OTOF: variants seen among roughly 807,000 people sequenced by gnomAD.
OTOF encodes fer-1-like family member 2.
In OTOF, 218 loss-of-function variants were observed where a neutral mutation model predicts 236.8. The ratio of observed to expected loss-of-function variants is 0.92; its 90% CI spans 0.82 to 1.03. The LOEUF is 1.03. Among genes scored for constraint, OTOF ranks in the 50% least tolerant of loss-of-function variants. OTOF has a pLI of 0.00. For missense variants in OTOF, 2,590 were observed against 2,694.4 expected, an observed-to-expected ratio of 0.96 and a Z score of 0.86; for synonymous variants, 1,041 against 1,072.5, an observed-to-expected ratio of 0.97 and a Z score of 0.57.
At position 26,458,235 on chromosome 2, in the gene OTOF, A is replaced by G; in HGVS notation, c.*18-15T>C. 6.4e-7 allele frequency: 1 copy of G among 1,562,412 alleles called. No individual in the cohort carries two copies. Among genetic ancestry groups the G allele is most frequent in the Non-Finnish European group, 8.7e-7 (1 of 1,153,402 alleles). On this transcript the variant is annotated splice_polypyrimidine_tract_variant and intron_variant, in intron 46 of 46. Coordinates refer to ENST00000272371, the MANE Select transcript of OTOF (RefSeq NM_194248.3). The stretch of plus-strand genomic sequence containing the variant: ...TGTCGGGCCGGCTGGGAAGTGGAAG[A>G]GAGGAGCCGGTCAGCCAGTGGGCAG...
chr2:26,481,223 G>A (rs1665533806), intron 14 of OTOF, among the ~76,000 whole-genome samples: 1 of 152,238 alleles, frequency 6.6e-6, no homozygotes, highest in Admixed American at 6.5e-5. Flanking sequence ...TGAGCTGGAA[G>A]CAGTGGGAAG....
intron 11 of OTOF, among the ~76,000 whole-genome samples, chr2:26,487,045 A>G (rs1438444947): frequency 6.6e-6 from 1 of 152,108 alleles, no homozygotes; most frequent in African/African-American, 2.4e-5. Flanking sequence ...CTCACCCCCA[A>G]CAGAGAGTAG....
chr2:26,479,321 C>G lies in OTOF; in HGVS notation c.2157G>C (p.Pro719=). ...KPCIYIKSWW[P]DQRRRLYNAN... The stretch of plus-strand genomic sequence containing the variant: ...CATTGTAGAGGCGGCGGCGCTGGTC[C>G]GGCCACCAGCTCTTGATGTAGATGC... Residue 719 remains proline, a synonymous_variant, in exon 18 of 47, where the codon CCG becomes CCC. Coordinates refer to ENST00000272371, the MANE Select transcript of OTOF (RefSeq NM_194248.3). The G allele has an allele frequency of 6.2e-7, 1 of 1,612,410 alleles. No individual in the cohort carries two copies. The highest frequency in any genetic ancestry group is 8.5e-7 in the Non-Finnish European group (1 of 1,179,832).
At chr2:26,471,297 T>A in intron 30 of OTOF, 147 bp from the exon 31 acceptor site, 1 of 829,966 alleles carries the variant, frequency 1.2e-6, no homozygotes, top group Non-Finnish European at 2.1e-6. Flanking sequence ...AACTTTGCAT[T>A]AATAAGAGCA....
intron 4 of OTOF, 143 bp from the exon 5 acceptor site, chr2:26,516,742 C>T (rs1666538589): frequency 3.6e-6 from 3 of 839,484 alleles, no homozygotes; most frequent in Non-Finnish European, 5.9e-6. Context: ...ATCCCCTCTG[C>T]CCCATTTTGC....
Position 26,519,072 on chromosome 2 carries a change from C to T in OTOF, c.265G>A (p.Val89Ile), listed in dbSNP as rs1449106051. ...GTCACCTCCACATGGCTCTCCTCTA[C>T]CACCTTCTGCAGCACCATGCGGAAG... Reference protein sequence around the residue: ...GTFRMVLQKVVEESHVEVTDT... With the variant: ...GTFRMVLQKVIEESHVEVTDT... Residue 89 changes from valine (V) to isoleucine (I), a missense_variant, in exon 4 of 47, where the codon GTA becomes ATA. Val to Ile is a conservative substitution (Grantham distance 29). Coordinates refer to ENST00000272371, the MANE Select transcript of OTOF (RefSeq NM_194248.3). The T allele has an allele frequency of 2.5e-6, 4 of 1,608,478 alleles. 1 individual carries two copies. The South Asian group carries it at 4.4e-5, about 18-fold the overall frequency.
chr2:26,498,340 G>A (rs1666039024), intron 8 of OTOF, among the ~76,000 whole-genome samples: 1 of 152,256 alleles, frequency 6.6e-6, no homozygotes, highest in South Asian at 2.1e-4. Context: ...GCAGCCCCGA[G>A]AGGAAGCTGA....
At chr2:26,512,048 A>G (rs1666405136) in intron 5 of OTOF, among the ~76,000 whole-genome samples, 1 of 152,082 alleles carries the variant, frequency 6.6e-6, no homozygotes, top group Non-Finnish European at 1.5e-5. Flanking sequence ...CCTCCACTGG[A>G]GTGGAAGAAT....
In OTOF at chr2:26,516,589, C is replaced by T; in HGVS notation, c.338G>A (p.Cys113Tyr). ...DNNAIIKTSLCVEVRYQATDG... is the reference protein window; with the variant it reads ...DNNAIIKTSLYVEVRYQATDG... ...AGTGGCCTGATACCGGACCTCCACGCACAGGCTGGTCTGAAGGGAGGGAGG... is the reference window on the plus strand; with the variant it reads ...AGTGGCCTGATACCGGACCTCCACGTACAGGCTGGTCTGAAGGGAGGGAGG... Residue 113 changes from cysteine (C) to tyrosine (Y), a missense_variant, in exon 5 of 47, where the codon TGC becomes TAC. Physicochemically the swap from Cys to Tyr is radical, Grantham distance 194 (BLOSUM62 -2). This residue lies in a region of OTOF where 1,379 missense variants were observed against 1,341.6 expected (regional missense o/e 1.03). Transcript: ENST00000272371. The T allele has an allele frequency of 6.2e-7, 1 of 1,606,324 alleles. No homozygotes were observed. The highest frequency in any genetic ancestry group is 2.2e-5 in the East Asian group (1 of 44,880).
chr2:26,551,000 C>T (rs1417974813), intron 1 of OTOF, among the ~76,000 whole-genome samples: 3 of 144,828 alleles, frequency 2.1e-5, no homozygotes, highest in Admixed American at 6.9e-5. Flanking sequence ...GGCTTTTTTC[C>T]CCCCCTTGAG....
At chr2:26,507,856 A>C (rs1470255122) in intron 5 of OTOF, among the ~76,000 whole-genome samples, 1 of 152,214 alleles carries the variant, frequency 6.6e-6, no homozygotes, top group African/African-American at 2.4e-5. Flanking sequence ...GAGGAAAAAA[A>C]TGCTAAAATT....
chr2:26,483,768 TAGGATTAGACA>T lies in OTOF; in HGVS notation c.1206-131_1206-121del, dbSNP rs1665629056. The stretch of plus-strand genomic sequence containing the variant: ...TAAGGGACAGCTGAGGGAGCAAGGC[TAGGATTAGACA>T]CTTGTGTTCACGGAACTTGCCCCTT... On this transcript the variant is annotated intron_variant, in intron 12 of 46. Coordinates refer to ENST00000272371, the MANE Select transcript of OTOF (RefSeq NM_194248.3). 16 of 887,120 alleles carry T rather than the reference TAGGATTAGACA, an allele frequency of 1.8e-5. No individual in the cohort carries two copies. The South Asian group carries it at 2.6e-4, about 14-fold the overall frequency. The allele number at this position is 887,120 out of a possible 1,614,324, so 55.0% of individuals were successfully genotyped here. A position where few individuals can be genotyped will look rare whatever the true frequency, so the allele number is the denominator to read the frequency against.
rs1007790173 is a variant in OTOF, at chr2:26,467,051, G to A, written c.4362+48C>T. ...GGTGAGTGGGGGAACCTGTGGGGGG[G>A]GCAAGGGCTGGCGGGTGCTCAGGCT... On this transcript the variant is annotated intron_variant, in intron 35 of 46. Transcript: ENST00000272371. 3.7e-6 allele frequency: 6 copies of A among 1,607,660 alleles called. No homozygotes were observed. The East Asian group carries it at 8.9e-5, about 24-fold the overall frequency.
chr2:26,466,175 A>G, intron 36 of OTOF, 99 bp from the exon 37 acceptor site: 1 of 1,479,496 alleles, frequency 6.8e-7, no homozygotes. Flanking sequence ...AGTGAAGGGC[A>G]GGGGCAGGAG....
intron 2 of OTOF, among the ~76,000 whole-genome samples, chr2:26,533,969 C>G (rs969740643): frequency 5.3e-5 from 8 of 152,134 alleles, no homozygotes; most frequent in African/African-American, 1.9e-4. Flanking sequence ...TCTTCTTCCT[C>G]TTGGCTCAGA....
chr2:26,550,157 C>G (rs1472278425), intron 1 of OTOF, among the ~76,000 whole-genome samples: 1 of 151,554 alleles, frequency 6.6e-6, no homozygotes, highest in Non-Finnish European at 1.5e-5. Flanking sequence ...GCAGATTAGC[C>G]CTTCTGCTTT....
chr2:26,480,650 G>C, intron 15 of OTOF, 136 bp downstream of exon 15: 1 of 736,994 alleles, frequency 1.4e-6, no homozygotes, highest in Non-Finnish European at 2.3e-6. Context: ...CTGCTTCCTG[G>C]GGAGAAGCCT....
intron 1 of OTOF, among the ~76,000 whole-genome samples, chr2:26,542,707 G>A (rs963358380): frequency 1.2e-4 from 18 of 152,218 alleles, no homozygotes; most frequent in Admixed American, 9.2e-4. Context: ...CACAGGACAG[G>A]GGAGTCCCGA....
chr2:26,464,804 G>A, intron 39 of OTOF, 65 bp downstream of exon 39: 1 of 1,489,424 alleles, frequency 6.7e-7, no homozygotes, highest in Non-Finnish European at 9.1e-7. Context: ...GGGAAGTGTG[G>A]GCCCCTCCTG....
Sources: allele counts gnomAD v4.1 joint callset (sites outside exome capture counted in the v4.1 genomes callset), GRCh38; gene constraint gnomAD v4.1.1; regional missense constraint gnomAD v4.1.1; transcripts MANE v1.5; gene names NCBI Gene and HGNC (gene_info 2026-07-23, HGNC 2026-07-21).